RCAN3: variants seen among roughly 807,000 people sequenced by gnomAD.
The protein encoded by RCAN3 is regulator of calcineurin 3, also known as calcipressin-3.
In RCAN3, 19 loss-of-function variants were observed where a neutral mutation model predicts 21.9. The observed-to-expected ratio is 0.87, with a 90% CI of 0.61 to 1.27. The LOEUF (loss-of-function observed/expected upper bound fraction) is 1.27, where lower values mean the gene tolerates loss of function less well. Ranked by LOEUF, RCAN3 falls within the 50% of genes most tolerant of loss-of-function variation. The pLI is 0.00. For synonymous variants in RCAN3, 114 were observed against 112.3 expected (o/e 1.01, Z -0.09); for missense variants, 240 against 300.1 (o/e 0.80, Z 1.48).
At chr1:24,516,066 C>G (rs1307042165) in intron 2 of RCAN3, among the ~76,000 whole-genome samples, 2 of 152,092 alleles carry the variant, frequency 1.3e-5, no homozygotes, top group Non-Finnish European at 2.9e-5. Flanking sequence ...TCGCTTGAAC[C>G]TGGGAGGCAG....
intron 4 of RCAN3, 97 bp downstream of exon 4, chr1:24,533,351 G>C: frequency 9.8e-7 from 1 of 1,019,890 alleles, no homozygotes; most frequent in South Asian, 2.5e-5. Flanking sequence ...GATTAGAGCA[G>C]AGGATAAAGT....
At chr1:24,505,910 T>G (rs1243368231) in intron 1 of RCAN3, among the ~76,000 whole-genome samples, 2 of 152,218 alleles carry the variant, frequency 1.3e-5, no homozygotes, top group African/African-American at 4.8e-5. Context: ...AAATGCAAGA[T>G]CCATGCCATG....
intron 3 of RCAN3, among the ~76,000 whole-genome samples, chr1:24,532,749 CCA>C (rs1462606253): frequency 6.6e-6 from 1 of 150,500 alleles, no homozygotes; most frequent in Non-Finnish European, 1.5e-5. Flanking sequence ...GAGATCGAGA[CCA>C]TCCTGGCTAA....
chr1:24,503,192 G>A (rs974009835), intron 1 of RCAN3, 42 bp downstream of exon 1: 2 of 145,516 alleles, frequency 1.4e-5, no homozygotes, highest in Non-Finnish European at 1.5e-5. Context: ...GGGCGGGTGG[G>A]GGGGGTGGTG....
At chr1:24,530,559 G>A (rs905849814) in intron 2 of RCAN3, among the ~76,000 whole-genome samples, 8 of 152,108 alleles carry the variant, frequency 5.3e-5, no homozygotes, top group Non-Finnish European at 8.8e-5. Flanking sequence ...AAGGAGGAAA[G>A]GAATGTGACA....
chr1:24,503,732 A>G (rs1180856657), intron 1 of RCAN3, among the ~76,000 whole-genome samples: 1 of 152,254 alleles, frequency 6.6e-6, no homozygotes, highest in Non-Finnish European at 1.5e-5. Context: ...TAGTGTAGGA[A>G]GCAATCCAGA....
At chr1:24,531,754 G>A (rs1462960505) in intron 3 of RCAN3, among the ~76,000 whole-genome samples, 2 of 152,134 alleles carry the variant, frequency 1.3e-5, no homozygotes, top group Non-Finnish European at 2.9e-5. Flanking sequence ...AAATCCTTGG[G>A]AAAACTGAGA....
Position 24,504,428 on chromosome 1 carries a change from A to G in RCAN3, c.-60+1278A>G, listed in dbSNP as rs77015239. Among the ~76,000 whole-genome samples the G allele has an allele frequency of 6.4e-3, 971 of 151,840 alleles. 13 individuals carry two copies. Among genetic ancestry groups the G allele is most frequent in the African/African-American group, 0.023 (930 of 41,268 alleles). ...AGCCATCCGCCCACCTCTGCCTCCC[A>G]AAGTGCTGAGATTACAGGCATGAGC... On this transcript the variant is annotated intron_variant, in intron 1 of 4. Transcript: ENST00000374395.
rs1269787909 is a variant in RCAN3 at position 24,537,203 on chromosome 1, G to T, written c.*1926G>T. Reference sequence around the variant, plus strand: ...TTTCATTCTCTGCCTGCCCATTAAAGAATATTCTATTCCTAACACATAAAA... The same window carrying T: ...TTTCATTCTCTGCCTGCCCATTAAATAATATTCTATTCCTAACACATAAAA... On this transcript the variant is annotated 3_prime_UTR_variant, in exon 5 of 5. Transcript: ENST00000374395. 1 of 151,928 alleles carries T rather than the reference G, an allele frequency of 6.6e-6. No homozygotes were observed. The highest frequency in any genetic ancestry group is 1.5e-5 in the Non-Finnish European group (1 of 67,998). The allele number at this position is 151,928 out of a possible 1,614,324, so 9.4% of individuals were successfully genotyped here. A position where few individuals can be genotyped will look rare whatever the true frequency, so the allele number is the denominator to read the frequency against.
At chr1:24,527,441 A>T (rs1037715892) in intron 2 of RCAN3, among the ~76,000 whole-genome samples, 4 of 152,246 alleles carry the variant, frequency 2.6e-5, no homozygotes, top group Admixed American at 6.5e-5. Flanking sequence ...ATATTTTTTT[A>T]AATGAATTGA....
Position 24,514,517 on chromosome 1 carries a change from C to T in RCAN3, c.145C>T (p.Leu49Phe). ...MMDLSDLPTS[L>F]FACSVHEAVF... The stretch of plus-strand genomic sequence containing the variant: ...GGATTTAAGTGATCTGCCTACCTCA[C>T]TTTTTGCTTGCAGCGTCCATGAAGC... Residue 49 changes from leucine (L) to phenylalanine (F), a missense_variant, in exon 2 of 5, where the codon CTT becomes TTT. By Grantham distance (22) the Leu-to-Phe change is conservative (BLOSUM62 0). Transcript: ENST00000374395. 1.2e-6 allele frequency: 2 copies of T among 1,614,146 alleles called. No individual in the cohort carries two copies. The highest frequency in any genetic ancestry group is 1.1e-5 in the South Asian group (1 of 91,084).
intron 2 of RCAN3, among the ~76,000 whole-genome samples, chr1:24,529,636 C>T (rs1339913729): frequency 6.0e-5 from 9 of 149,722 alleles, no homozygotes; most frequent in East Asian, 2.1e-4. Flanking sequence ...CTGCAACCTC[C>T]GCTTCCCAGG....
rs1023623409 is a variant in RCAN3, at chr1:24,541,016, A to G, written c.*5739A>G. The G allele has an allele frequency of 5.9e-5, 9 of 152,236 alleles. No homozygotes were observed. Among genetic ancestry groups the G allele is most frequent in the Non-Finnish European group, 1.2e-4 (8 of 68,048 alleles). 9.4% of individuals were successfully genotyped at this position (152,236 alleles called of 1,614,324 possible). ...TTCTGTTTTTAAAACGAATACAAAT[A>G]AAGTTAGTAACTATTTTTAAATCAG... On this transcript the variant is annotated 3_prime_UTR_variant, in exon 5 of 5. Coordinates refer to ENST00000374395, the MANE Select transcript of RCAN3 (RefSeq NM_013441.4).
At chr1:24,511,792 T>C (rs1647906987) in intron 1 of RCAN3, among the ~76,000 whole-genome samples, 1 of 152,098 alleles carries the variant, frequency 6.6e-6, no homozygotes, top group African/African-American at 2.4e-5. Flanking sequence ...TTGGAAAAAA[T>C]GCAGTGCAGT....
chr1:24,528,206 C>T (rs1649426479), intron 2 of RCAN3, among the ~76,000 whole-genome samples: 1 of 135,664 alleles, frequency 7.4e-6, no homozygotes, highest in African/African-American at 2.8e-5. Context: ...ATGGGAATTT[C>T]ATTCAGGGGA....
chr1:24,533,255 GT>G lies in RCAN3; in HGVS notation c.541+2del. 1 of 1,527,646 alleles carries G rather than the reference GT, an allele frequency of 6.5e-7. No homozygotes were observed. Among genetic ancestry groups the G allele is most frequent in the Non-Finnish European group, 8.8e-7 (1 of 1,140,270 alleles). 94.6% of individuals were successfully genotyped at this position (1,527,646 alleles called of 1,614,324 possible). A position where few individuals can be genotyped will look rare whatever the true frequency, so the allele number is the denominator to read the frequency against. On this transcript the variant is annotated splice_donor_variant, in intron 4 of 4. Coordinates refer to ENST00000374395, the MANE Select transcript of RCAN3 (RefSeq NM_013441.4). LOFTEE classifies it high-confidence loss of function. ...TGTGCTGTTTCCAAATTGGGACCAG[GT>G]AATAAACTTCTATTTTTCCTATTTT...
Position 24,535,109 on chromosome 1 carries a change from T to A in RCAN3, c.558T>A (p.Leu186=). ...CCTCTGCAGGAGAGAAATATGAACT[T>A]CACGCGGGAACAGAGTCGACACCCA... The part of the protein sequence containing the change: ...SKLGPGEKYE[L]HAGTESTPSV... The change falls in exon 5 of 5, where the codon CTT becomes CTA. Residue 186 remains leucine (L), a synonymous_variant. Transcript: ENST00000374395. The A allele has an allele frequency of 6.3e-7, 1 of 1,596,154 alleles. No individual in the cohort carries two copies. Among genetic ancestry groups the A allele is most frequent in the Non-Finnish European group, 8.5e-7 (1 of 1,173,984 alleles).
chr1:24,518,192 GTT>G (rs1490922113), intron 2 of RCAN3, among the ~76,000 whole-genome samples: 4 of 152,002 alleles, frequency 2.6e-5, no homozygotes, highest in Non-Finnish European at 5.9e-5. Flanking sequence ...GCTTGAAAAA[GTT>G]TTTGTCTTTA....
intron 2 of RCAN3, among the ~76,000 whole-genome samples, chr1:24,516,334 C>T (rs1008489114): frequency 3.3e-5 from 5 of 151,636 alleles, no homozygotes; most frequent in Non-Finnish European, 5.9e-5. Flanking sequence ...TTAAATAGTG[C>T]GTTGAGGTAA....
Sources: allele counts gnomAD v4.1 joint callset (sites outside exome capture counted in the v4.1 genomes callset), GRCh38; gene constraint gnomAD v4.1.1; transcripts MANE v1.5; gene names NCBI Gene and HGNC (gene_info 2026-07-23, HGNC 2026-07-21).